FAM13A: variants seen among roughly 807,000 people sequenced by gnomAD.
The protein encoded by FAM13A is family with sequence similarity 13 member A.
In FAM13A, 76 loss-of-function variants were observed where a neutral mutation model predicts 129.6. That is an observed-to-expected ratio of 0.59 (90% CI 0.49 to 0.71). The LOEUF (loss-of-function observed/expected upper bound fraction) is 0.71. Among genes scored for constraint, FAM13A ranks in the 30% least tolerant of loss-of-function variants. FAM13A has a pLI of 0.00. For synonymous variants in FAM13A, 443 were observed against 449.9 expected, an observed-to-expected ratio of 0.98 and a Z score of 0.20; for missense variants, 1,108 against 1,249.3, an observed-to-expected ratio of 0.89 and a Z score of 1.70.
In FAM13A at chr4:88,770,911, G is replaced by A. The variant is rs74761860; in HGVS notation, c.1459-2852C>T. On this transcript the variant is annotated intron_variant, in intron 11 of 23. Transcript: ENST00000264344. The stretch of plus-strand genomic sequence containing the variant: ...GTTTAAGAACTCTCCAATGATTTGA[G>A]GTTTTGTAGACGTAGTTCACAAAGG... Among the ~76,000 whole-genome samples, 367 of 152,182 alleles carry A rather than the reference G, an allele frequency of 2.4e-3. 1 individual carries two copies. Among genetic ancestry groups the A allele is most frequent in the African/African-American group, 8.1e-3 (336 of 41,524 alleles).
chr4:88,897,681 G>A (rs1307992381), intron 6 of FAM13A, among the ~76,000 whole-genome samples: 1 of 152,142 alleles, frequency 6.6e-6, no homozygotes, highest in African/African-American at 2.4e-5. Flanking sequence ...TTAATACCAA[G>A]GATAGGCATC....
chr4:89,051,817 CA>C (rs1469923198), intron 1 of FAM13A, among the ~76,000 whole-genome samples: 2 of 152,108 alleles, frequency 1.3e-5, no homozygotes, highest in African/African-American at 2.4e-5. Context: ...CCCAATGGAA[CA>C]AAATTTCATT....
chr4:89,050,184 C>T (rs1199627839), intron 1 of FAM13A, among the ~76,000 whole-genome samples: 2 of 152,012 alleles, frequency 1.3e-5, no homozygotes, highest in Non-Finnish European at 2.9e-5. Flanking sequence ...CCAAACAAAA[C>T]TCATGTCCTT....
At chr4:88,847,012 T>C (rs1736764265) in intron 7 of FAM13A, among the ~76,000 whole-genome samples, 1 of 152,258 alleles carries the variant, frequency 6.6e-6, no homozygotes, top group African/African-American at 2.4e-5. Context: ...GGATTTAAAA[T>C]TTATTTTTAA....
chr4:88,806,901 C>T (rs1013444145), intron 7 of FAM13A, among the ~76,000 whole-genome samples: 2 of 152,124 alleles, frequency 1.3e-5, no homozygotes, highest in African/African-American at 4.8e-5. Flanking sequence ...TCCTAGAAAA[C>T]ACTAAACAAA....
chr4:88,977,552 C>T (rs1289326687), intron 4 of FAM13A, among the ~76,000 whole-genome samples: 2 of 152,108 alleles, frequency 1.3e-5, no homozygotes, highest in Non-Finnish European at 2.9e-5. Context: ...TGTAATATAA[C>T]AAAATACATT....
rs140652030 is a variant in FAM13A at position 88,728,259 on chromosome 4, C to CTGTG, written c.*270_*273dup. The CTGTG allele has an allele frequency of 2.8e-5, 13 of 459,176 alleles. No homozygotes were observed. In the South Asian group the frequency reaches 3.0e-4, roughly 10 times the overall value. 28.4% of individuals were successfully genotyped at this position (459,176 alleles called of 1,614,324 possible). A position where few individuals can be genotyped will look rare whatever the true frequency, so the allele number is the denominator to read the frequency against. ...TGCTAGTGTTAGGAAAGCTCCACTACTGTGTGTGTGTGTGCGTGCATGCGC... is the reference window on the plus strand; with the variant it reads ...TGCTAGTGTTAGGAAAGCTCCACTACTGTGTGTGTGTGTGTGTGCGTGCATGCGC... On this transcript the variant is annotated 3_prime_UTR_variant, in exon 24 of 24. Transcript: ENST00000264344.
intron 4 of FAM13A, among the ~76,000 whole-genome samples, chr4:88,940,922 T>C (rs867207626): frequency 1.8e-4 from 27 of 152,214 alleles, no homozygotes; most frequent in African/African-American, 6.3e-4. Context: ...ACTGCCAACG[T>C]GGAATCAAAG....
At chr4:89,003,503 T>C (rs553393336) in intron 3 of FAM13A, among the ~76,000 whole-genome samples, 93 of 151,904 alleles carry the variant, frequency 6.1e-4, no homozygotes, top group African/African-American at 2.1e-3. Context: ...CCCAGATACC[T>C]AGGAGGCTGA....
intron 5 of FAM13A, among the ~76,000 whole-genome samples, chr4:88,920,704 C>T (rs1750915565): frequency 6.6e-6 from 1 of 152,160 alleles, no homozygotes; most frequent in Non-Finnish European, 1.5e-5. Context: ...GGACGGAGAA[C>T]AACTTTGACG....
At chr4:88,751,102 C>T (rs369073816) in intron 14 of FAM13A, among the ~76,000 whole-genome samples, 13 of 152,074 alleles carry the variant, frequency 8.5e-5, no homozygotes, top group Non-Finnish European at 1.3e-4. Context: ...TTTAGCTGGG[C>T]GTGGTGGCGG....
chr4:88,982,064 C>T (rs1160320646), intron 4 of FAM13A, among the ~76,000 whole-genome samples: 1 of 152,150 alleles, frequency 6.6e-6, no homozygotes, highest in African/African-American at 2.4e-5. Context: ...AAGGTCCAAG[C>T]CTGGTGGAAG....
chr4:88,836,766 C>T (rs1225420780), intron 7 of FAM13A, among the ~76,000 whole-genome samples: 1 of 151,970 alleles, frequency 6.6e-6, no homozygotes, highest in East Asian at 1.9e-4. Context: ...TTGAGACCAG[C>T]CTGACCAACA....
chr4:88,883,875 G>A (rs941074321), intron 6 of FAM13A, among the ~76,000 whole-genome samples: 3 of 151,960 alleles, frequency 2.0e-5, no homozygotes, highest in South Asian at 2.1e-4. Flanking sequence ...TGAAGGCTAC[G>A]ATAAACACGT....
At chr4:88,925,331 T>G (rs904257425) in intron 5 of FAM13A, among the ~76,000 whole-genome samples, 1 of 152,126 alleles carries the variant, frequency 6.6e-6, no homozygotes, top group African/African-American at 2.4e-5. Context: ...ATAGACTGGA[T>G]TAAGAAAATG....
At chr4:88,986,398 T>G (rs540052887) in intron 4 of FAM13A, among the ~76,000 whole-genome samples, 1 of 152,338 alleles carries the variant, frequency 6.6e-6, no homozygotes, top group African/African-American at 2.4e-5. Context: ...CCTCCCAAAG[T>G]GGTGGGATTA....
At chr4:88,972,499 C>T (rs1028049690) in intron 4 of FAM13A, among the ~76,000 whole-genome samples, 1 of 151,946 alleles carries the variant, frequency 6.6e-6, no homozygotes, top group East Asian at 1.9e-4. Flanking sequence ...CAGGGTATCA[C>T]CATGTTGGCC....
chr4:88,925,579 T>G (rs191420772), intron 5 of FAM13A, among the ~76,000 whole-genome samples: 15 of 146,876 alleles, frequency 1.0e-4, no homozygotes, highest in African/African-American at 3.5e-4. Flanking sequence ...GGGGGAGGTA[T>G]ATCTCCTAAT....
chr4:88,755,133 T>G (rs569474586), intron 14 of FAM13A, among the ~76,000 whole-genome samples: 2 of 152,298 alleles, frequency 1.3e-5, no homozygotes, highest in East Asian at 3.9e-4. Context: ...GAAAGGAGGT[T>G]GGTGTGACAT....
Sources: gnomAD v4.1 joint callset for allele counts (sites outside exome capture counted in the v4.1 genomes callset) on GRCh38, gnomAD v4.1.1 for gene constraint, MANE v1.5 for transcripts, NCBI Gene and HGNC (gene_info 2026-07-23, HGNC 2026-07-21) for gene names.